Variants in AGBL1 observed in about 807,000 individuals in gnomAD.
The protein encoded by AGBL1 is cytosolic carboxypeptidase 4.
In AGBL1, 130 loss-of-function variants were observed where a neutral mutation model predicts 118.9. That is an observed-to-expected ratio of 1.09 (90% CI 0.95 to 1.26). AGBL1 has a LOEUF of 1.26. Ranked by LOEUF, AGBL1 falls within the 50% of genes most tolerant of loss-of-function variation. The probability of loss-of-function intolerance (pLI) is 0.00; values close to 1 mark genes in which losing one functional copy is unlikely to be tolerated. For missense variants in AGBL1, 1,584 were observed against 1,298.1 expected (o/e 1.22, Z -3.38); for synonymous variants, 555 against 478.9 (o/e 1.16, Z -2.08).
Position 86,979,738 on chromosome 15 carries a change from C to G in AGBL1, c.3222-8249C>G, listed in dbSNP as rs538349087. 2.6e-5 allele frequency among the ~76,000 whole-genome samples: 4 copies of G among 152,112 alleles called. No homozygotes were observed. In the South Asian group the frequency reaches 8.3e-4, roughly 32 times the overall value. On this transcript the variant is annotated intron_variant, in intron 23 of 24. Transcript: ENST00000441037. ...CAGGATGGTCTCGATCTCCTGACCT[C>G]GTGATCTGCCCGCCTTGGCCTTCCG...
chr15:86,785,326 A>C (rs1044609528), intron 22 of AGBL1, among the ~76,000 whole-genome samples: 2 of 151,358 alleles, frequency 1.3e-5, no homozygotes, highest in Non-Finnish European at 2.9e-5. Context: ...TCTGATTCAA[A>C]AGGTCTGGGA....
At chr15:86,573,576 C>G (rs1002898205) in intron 21 of AGBL1, among the ~76,000 whole-genome samples, 1 of 152,180 alleles carries the variant, frequency 6.6e-6, no homozygotes, top group African/African-American at 2.4e-5. Context: ...TCCTAGTTGT[C>G]TTTCATCCTA....
In AGBL1 at chr15:86,438,018, G is replaced by A. The variant is rs371748836; in HGVS notation, c.2555+40472G>A. Among the ~76,000 whole-genome samples, 214 of 152,208 alleles carry A rather than the reference G, an allele frequency of 1.4e-3. 6 individuals are homozygous for A. In the South Asian group the frequency reaches 0.024, roughly 17 times the overall value. On this transcript the variant is annotated intron_variant, in intron 18 of 22. Transcript: ENST00000614907. ...CCTCCCAGGTTCAAGCGATTCTCCT[G>A]CCTCAGCCTCCAGAGTAGCTGGGAT...
chr15:86,650,936 C>T (rs989608279), intron 21 of AGBL1, among the ~76,000 whole-genome samples: 2 of 152,210 alleles, frequency 1.3e-5, no homozygotes, highest in African/African-American at 4.8e-5. Flanking sequence ...ATTGGCAGAG[C>T]AGTGATTCTT....
chr15:87,005,460 C>A (rs1195273950), intron 24 of AGBL1, among the ~76,000 whole-genome samples: 3 of 152,034 alleles, frequency 2.0e-5, no homozygotes, highest in African/African-American at 7.2e-5. Flanking sequence ...TCACTGATAC[C>A]CTTTCTTCCA....
chr15:86,827,088 G>C (rs1483453940), intron 22 of AGBL1, among the ~76,000 whole-genome samples: 1 of 150,366 alleles, frequency 6.7e-6, no homozygotes, highest in Non-Finnish European at 1.5e-5. Flanking sequence ...TCCCCCAAAG[G>C]GCCCTGTGCT....
intron 18 of AGBL1, among the ~76,000 whole-genome samples, chr15:86,411,849 G>A (rs938408172): frequency 5.3e-5 from 8 of 152,130 alleles, no homozygotes; most frequent in African/African-American, 1.2e-4. Flanking sequence ...AGGGGACATA[G>A]CAGGGTAGTG....
intron 18 of AGBL1, among the ~76,000 whole-genome samples, chr15:86,468,563 A>C (rs1249244013): frequency 1.3e-5 from 2 of 152,072 alleles, no homozygotes; most frequent in Non-Finnish European, 2.9e-5. Context: ...CTGAGGAGAG[A>C]ATTGTTTGAT....
intron 24 of AGBL1, among the ~76,000 whole-genome samples, chr15:87,016,757 A>AG (rs978960243): frequency 2.0e-5 from 3 of 152,138 alleles, no homozygotes; most frequent in African/African-American, 7.2e-5. Flanking sequence ...CACCACCCCC[A>AG]GCCAAGGGAA....
intron 17 of AGBL1, among the ~76,000 whole-genome samples, chr15:86,324,206 T>C (rs774307320): frequency 6.6e-5 from 10 of 152,144 alleles, no homozygotes; most frequent in Non-Finnish European, 1.0e-4. Flanking sequence ...TAGGAGGAAA[T>C]ATACAAACAA....
At chr15:86,090,228 C>T (rs951546482) in intron 1 of AGBL1, among the ~76,000 whole-genome samples, 1 of 152,140 alleles carries the variant, frequency 6.6e-6, no homozygotes, top group African/African-American at 2.4e-5. Flanking sequence ...ATTCCATTCA[C>T]CAGTCTACAG....
At chr15:86,998,408 C>T (rs2081399775) in intron 24 of AGBL1, among the ~76,000 whole-genome samples, 1 of 152,058 alleles carries the variant, frequency 6.6e-6, no homozygotes, top group Admixed American at 6.6e-5. Flanking sequence ...CCAACCAGCC[C>T]TTGAAGAACT....
At chr15:86,843,790 T>C (rs1201324486) in intron 22 of AGBL1, among the ~76,000 whole-genome samples, 2 of 152,294 alleles carry the variant, frequency 1.3e-5, no homozygotes, top group East Asian at 3.9e-4. Flanking sequence ...GGCTCAATGA[T>C]TTTTAGCAAA....
intron 22 of AGBL1, among the ~76,000 whole-genome samples, chr15:86,842,099 A>T (rs2079254046): frequency 6.6e-6 from 1 of 152,104 alleles, no homozygotes; most frequent in Non-Finnish European, 1.5e-5. Context: ...AGAAGAAAAA[A>T]ATACAATCTA....
intron 21 of AGBL1, among the ~76,000 whole-genome samples, chr15:86,563,597 T>G (rs1268225358): frequency 1.3e-5 from 2 of 151,968 alleles, no homozygotes; most frequent in Non-Finnish European, 2.9e-5. Context: ...CTGAGAAGAA[T>G]GTATATTCTG....
At chr15:86,655,557 A>T (rs1403236212) in intron 21 of AGBL1, among the ~76,000 whole-genome samples, 2 of 152,102 alleles carry the variant, frequency 1.3e-5, no homozygotes, top group African/African-American at 4.8e-5. Context: ...ATCTTATATT[A>T]TGCGTAATTC....
chr15:86,267,407 A>G (rs12901675), intron 13 of AGBL1, among the ~76,000 whole-genome samples: 75,331 of 151,966 alleles, frequency 0.5, 19,504 homozygotes, highest in African/African-American at 0.64. Flanking sequence ...GTGTGAGAGC[A>G]CTTTGACTGG....
chr15:86,277,954 T>A (rs558134696), intron 15 of AGBL1, among the ~76,000 whole-genome samples: 1 of 152,252 alleles, frequency 6.6e-6, no homozygotes, highest in Non-Finnish European at 1.5e-5. Context: ...AGAGGAGTAA[T>A]TGACTAGCAT....
rs139390192 is a variant in AGBL1, at chr15:86,403,672, G to T, written c.2555+6126G>T. On this transcript the variant is annotated intron_variant, in intron 18 of 22. Transcript: ENST00000614907. ...TAATCATCACTATAGCCCAACAAAT[G>T]TAGGTGTTCTATGCAATTTCTAGAT... is the stretch of plus-strand genomic sequence containing the variant. 6.1e-3 allele frequency among the ~76,000 whole-genome samples: 928 copies of T among 152,246 alleles called. 8 individuals carry two copies. Among genetic ancestry groups the T allele is most frequent in the African/African-American group, 0.021 (889 of 41,530 alleles).
Sources: gnomAD v4.1 joint callset for allele counts (sites outside exome capture counted in the v4.1 genomes callset) on GRCh38, gnomAD v4.1.1 for gene constraint, MANE v1.5 for transcripts, NCBI Gene and HGNC (gene_info 2026-07-23, HGNC 2026-07-21) for gene names.